The following NFAT5 variants were observed in gnomAD, a reference collection of about 807,000 sequenced individuals.
NFAT5 encodes nuclear factor of activated T cells 5.
A neutral mutation model predicts 166.5 loss-of-function variants in NFAT5; 31 were observed. That is an observed-to-expected ratio of 0.19 (90% CI 0.14 to 0.25). The LOEUF is 0.25. Ranked by LOEUF, NFAT5 falls within the 10% of genes least tolerant of loss-of-function variation. NFAT5 has a pLI of 1.00. For synonymous variants in NFAT5, 612 were observed against 639.7 expected (o/e 0.96, Z 0.65); for missense variants, 1,449 against 1,821.8 (o/e 0.80, Z 3.72).
At chr16:69,606,009 G>A (rs974349462) in intron 2 of NFAT5, among the ~76,000 whole-genome samples, 5 of 152,120 alleles carry the variant, frequency 3.3e-5, no homozygotes, top group South Asian at 2.1e-4. Flanking sequence ...CACCGCGCCC[G>A]GCCCCCTTTT....
At chr16:69,664,859 C>G (rs1202121960) in intron 7 of NFAT5, among the ~76,000 whole-genome samples, 2 of 152,014 alleles carry the variant, frequency 1.3e-5, no homozygotes, top group African/African-American at 2.4e-5. Flanking sequence ...GAAAACCCAT[C>G]TCTGCTAAAA....
At chr16:69,633,936 A>C (rs758482668) in intron 3 of NFAT5, among the ~76,000 whole-genome samples, 1 of 152,134 alleles carries the variant, frequency 6.6e-6, no homozygotes, top group Non-Finnish European at 1.5e-5. Flanking sequence ...TATCTACCCC[A>C]TGAATATGTA....
rs761664426 is a variant in NFAT5, at chr16:69,693,001, A to G, written c.3176A>G (p.Gln1059Arg). The change falls in exon 13 of 15, where the codon CAA becomes CGA. Residue 1059 changes from glutamine (Q) to arginine (R), a missense_variant. Gln to Arg is a conservative substitution (Grantham distance 43). Transcript: ENST00000349945. ...GTTCAGAATAGTGGTACCCAACAAC[A>G]AGGTAATGGTTTATTCCAGCAAGGG... ...MSVQNSGTQQ[Q>R]GNGLFQQGNE... 1.2e-6 allele frequency: 2 copies of G among 1,614,106 alleles called. No individual in the cohort carries two copies. Among genetic ancestry groups the G allele is most frequent in the Admixed American group, 3.3e-5 (2 of 60,028 alleles).
chr16:69,578,406 T>A (rs1298967626), intron 2 of NFAT5, among the ~76,000 whole-genome samples: 6 of 152,230 alleles, frequency 3.9e-5, no homozygotes, highest in Non-Finnish European at 8.8e-5. Flanking sequence ...CATAGTCATA[T>A]ATATACTGTA....
intron 10 of NFAT5, among the ~76,000 whole-genome samples, chr16:69,682,872 A>G (rs1017978765): frequency 6.6e-6 from 1 of 152,158 alleles, no homozygotes; most frequent in Non-Finnish European, 1.5e-5. Context: ...TATTTTTGTT[A>G]TAACTATCAT....
intron 2 of NFAT5, among the ~76,000 whole-genome samples, chr16:69,621,436 T>C (rs2034193976): frequency 6.6e-6 from 1 of 152,202 alleles, no homozygotes; most frequent in African/African-American, 2.4e-5. Context: ...TCTCTCACTC[T>C]CTTTTCTCTC....
chr16:69,599,678 G>A (rs1050879078), intron 2 of NFAT5, among the ~76,000 whole-genome samples: 8 of 152,296 alleles, frequency 5.3e-5, no homozygotes, highest in African/African-American at 1.7e-4. Context: ...TGATTTTTGA[G>A]CCTCATTTGA....
chr16:69,583,393 A>C (rs2031829458), intron 2 of NFAT5, among the ~76,000 whole-genome samples: 1 of 151,808 alleles, frequency 6.6e-6, no homozygotes, highest in South Asian at 2.1e-4. Context: ...AAAAAAAAAA[A>C]ATTGTAGGGA....
In NFAT5 at chr16:69,566,923, C is replaced by G. The variant is rs1015141636; in HGVS notation, c.73+549C>G. On this transcript the variant is annotated intron_variant, in intron 1 of 14. Transcript: ENST00000349945. The surrounding 1 kb of genome is among the most constrained non-coding windows in gnomAD (Gnocchi z 5.7). ...CCTCTCCCTCCGGCCTAGTCCACTC[C>G]CTCCCCATGTTGGGACAGCCCCCCT... Among the ~76,000 whole-genome samples, 50 of 152,316 alleles carry G rather than the reference C, an allele frequency of 3.3e-4. No homozygotes were observed. The highest frequency in any genetic ancestry group is 1.1e-3 in the African/African-American group (47 of 41,568).
chr16:69,649,368 G>C (rs1331878286), intron 4 of NFAT5: 1 of 975,524 alleles, frequency 1.0e-6, no homozygotes, highest in East Asian at 1.1e-4. Context: ...CTTATGGCTA[G>C]TAAACAGTGA....
At chr16:69,587,784 A>G (rs559341385) in intron 2 of NFAT5, among the ~76,000 whole-genome samples, 40 of 152,294 alleles carry the variant, frequency 2.6e-4, no homozygotes, top group African/African-American at 8.9e-4. Context: ...ATTTGAGAAT[A>G]AATGAGAGAA....
rs552136796 is a variant in NFAT5, at chr16:69,637,863, G to C, written c.254-9165G>C. Among the ~76,000 whole-genome samples, 4 of 152,302 alleles carry C rather than the reference G, an allele frequency of 2.6e-5. No individual in the cohort carries two copies. The East Asian group carries it at 7.7e-4, about 29-fold the overall frequency. ...AAGGACTAATTCTATAAAGTCTGCT[G>C]TTTAAGAGTTCTTAATAGTATTTTT... On this transcript the variant is annotated intron_variant, in intron 3 of 14. Transcript: ENST00000349945.
intron 3 of NFAT5, among the ~76,000 whole-genome samples, chr16:69,643,644 T>C (rs2035313767): frequency 6.6e-6 from 1 of 152,118 alleles, no homozygotes; most frequent in Non-Finnish European, 1.5e-5. Context: ...TTGAATTATA[T>C]TTGAATATAA....
chr16:69,666,015 G>T (rs1418689677), intron 7 of NFAT5, among the ~76,000 whole-genome samples: 1 of 30,558 alleles, frequency 3.3e-5, no homozygotes. Flanking sequence ...AAATAATGCC[G>T]CATATCTACA....
intron 7 of NFAT5, among the ~76,000 whole-genome samples, chr16:69,665,076 C>T (rs951140627): frequency 1.3e-5 from 2 of 152,118 alleles, no homozygotes; most frequent in African/African-American, 2.4e-5. Context: ...ACAGTTAATG[C>T]TTAAGTAATC....
rs909813322 is a variant in NFAT5 at position 69,698,817 on chromosome 16, T to A, written c.*2466T>A. 3 of 152,648 alleles carry A rather than the reference T, an allele frequency of 2.0e-5. No homozygotes were observed. Among genetic ancestry groups the A allele is most frequent in the Non-Finnish European group, 4.4e-5 (3 of 68,026 alleles). The allele number at this position is 152,648 out of a possible 1,614,324, so 9.5% of individuals were successfully genotyped here. A position where few individuals can be genotyped will look rare whatever the true frequency, so the allele number is the denominator to read the frequency against. On this transcript the variant is annotated 3_prime_UTR_variant, in exon 15 of 15. Coordinates refer to ENST00000349945, the MANE Select transcript of NFAT5 (RefSeq NM_138713.4). ...CTATGCCTTTTATTTATAAAGACAC[T>A]AAGAAAACCCATGTTTGTAATTTTA... is the stretch of plus-strand genomic sequence containing the variant.
intron 2 of NFAT5, among the ~76,000 whole-genome samples, chr16:69,574,636 T>C (rs915343946): frequency 4.6e-5 from 7 of 152,156 alleles, no homozygotes; most frequent in Admixed American, 3.9e-4. Context: ...TTATTTGTTC[T>C]TAATAGCTTT....
intron 3 of NFAT5, among the ~76,000 whole-genome samples, chr16:69,641,277 C>CAA (rs60281310): frequency 3.4e-3 from 247 of 72,220 alleles, no homozygotes; most frequent in Non-Finnish European, 4.3e-3. Context: ...GACTCCGTCT[C>CAA]AAAAAAAAAA....
At position 69,704,567 on chromosome 16, in the gene NFAT5, A is replaced by G. The variant is rs1336716893; in HGVS notation, c.*8216A>G. The G allele has an allele frequency of 6.6e-6, 1 of 152,640 alleles. No homozygotes were observed. Among genetic ancestry groups the G allele is most frequent in the Non-Finnish European group, 1.5e-5 (1 of 68,036 alleles). 9.5% of individuals were successfully genotyped at this position (152,640 alleles called of 1,614,324 possible). A position where few individuals can be genotyped will look rare whatever the true frequency, so the allele number is the denominator to read the frequency against. On this transcript the variant is annotated 3_prime_UTR_variant, in exon 15 of 15. Coordinates refer to ENST00000349945, the MANE Select transcript of NFAT5 (RefSeq NM_138713.4). ...TGATAACTTGTTAAATATTAAAAAGATATTTTGCTTCTATTGGAACATTTG... is the reference window on the plus strand; with the variant it reads ...TGATAACTTGTTAAATATTAAAAAGGTATTTTGCTTCTATTGGAACATTTG...
Sources: gnomAD v4.1 joint callset for allele counts (sites outside exome capture counted in the v4.1 genomes callset) on GRCh38, gnomAD v4.1.1 for gene constraint, Gnocchi (gnomAD v3.1) non-coding constraint, MANE v1.5 for transcripts, NCBI Gene and HGNC (gene_info 2026-07-23, HGNC 2026-07-21) for gene names.